Variants in KANSL1L observed in about 807,000 individuals in gnomAD.
KANSL1L encodes KAT8 regulatory NSL complex subunit 1-like protein.
In KANSL1L, 25 loss-of-function variants were observed where a neutral mutation model predicts 108.6. The observed-to-expected ratio is 0.23, with a 90% confidence interval of 0.17 to 0.32. The LOEUF (loss-of-function observed/expected upper bound fraction) is 0.32, where lower values mean the gene tolerates loss of function less well. Among genes scored for constraint, KANSL1L ranks in the 10% least tolerant of loss-of-function variants. KANSL1L has a pLI of 1.00. For missense variants in KANSL1L, 1,137 were observed against 1,125.7 expected (o/e 1.01, Z -0.14); for synonymous variants, 405 against 395.1 (o/e 1.03, Z -0.30).
intron 2 of KANSL1L, among the ~76,000 whole-genome samples, chr2:210,144,682 C>T (rs1019321396): frequency 5.3e-5 from 8 of 152,282 alleles, no homozygotes; most frequent in African/African-American, 1.9e-4. Context: ...TTCAATCATT[C>T]TGTTAAACTC....
intron 3 of KANSL1L, among the ~76,000 whole-genome samples, chr2:210,111,451 AAC>A (rs1324361270): frequency 4.6e-5 from 7 of 152,324 alleles, no homozygotes; most frequent in Non-Finnish European, 5.9e-5. Flanking sequence ...AGCAATAGAA[AAC>A]AGATTAGTGG....
chr2:210,099,975 T>C (rs560560577), intron 4 of KANSL1L, among the ~76,000 whole-genome samples: 1 of 152,286 alleles, frequency 6.6e-6, no homozygotes, highest in South Asian at 2.1e-4. Context: ...ATAATGTAAA[T>C]ACACCAGTAG....
chr2:210,027,051 A>G (rs1028367749), intron 12 of KANSL1L, among the ~76,000 whole-genome samples: 1 of 152,140 alleles, frequency 6.6e-6, no homozygotes. Context: ...GATTACAGGC[A>G]TTAGCCACCG....
At chr2:210,149,480 T>C (rs1377849194) in intron 2 of KANSL1L, among the ~76,000 whole-genome samples, 1 of 152,162 alleles carries the variant, frequency 6.6e-6, no homozygotes, top group Non-Finnish European at 1.5e-5. Flanking sequence ...AATGCATCTG[T>C]TTATTTGGTA....
chr2:210,066,844 G>C (rs190744982), intron 6 of KANSL1L, among the ~76,000 whole-genome samples: 3 of 152,318 alleles, frequency 2.0e-5, no homozygotes, highest in East Asian at 3.9e-4. Flanking sequence ...TATGAGCCCT[G>C]TGATGGTTAA....
chr2:210,151,892 T>C (rs184581297), intron 2 of KANSL1L: 4 of 152,370 alleles, frequency 2.6e-5, no homozygotes, highest in African/African-American at 9.6e-5. Flanking sequence ...AAAACTAATA[T>C]ACTGATCTTC....
At chr2:210,129,952 G>A (rs1400938728) in intron 2 of KANSL1L, among the ~76,000 whole-genome samples, 1 of 145,340 alleles carries the variant, frequency 6.9e-6, no homozygotes, top group Non-Finnish European at 1.5e-5. Flanking sequence ...ATTACGGGTG[G>A]TATATGTGTG....
chr2:210,112,983 T>C (rs2094923025), intron 3 of KANSL1L, among the ~76,000 whole-genome samples: 1 of 152,224 alleles, frequency 6.6e-6, no homozygotes, highest in Non-Finnish European at 1.5e-5. Context: ...CAGCCATTCA[T>C]ACATTTCTGA....
chr2:210,123,187 T>G (rs1040567395), intron 3 of KANSL1L, among the ~76,000 whole-genome samples: 1 of 152,150 alleles, frequency 6.6e-6, no homozygotes, highest in Non-Finnish European at 1.5e-5. Flanking sequence ...CCTAGGCATA[T>G]ACCCAAAGAA....
At position 210,050,693 on chromosome 2, in the gene KANSL1L, G is replaced by GGA. The variant is rs1406036409; in HGVS notation, c.1756-6590_1756-6589insTC. ...GCAACATAGTGAGACCATCTCTACAGAAAAAAAAAAAAAAAAAAAAAATTA... is the reference window on the plus strand; with the variant it reads ...GCAACATAGTGAGACCATCTCTACAGGAAAAAAAAAAAAAAAAAAAAAAATTA... On this transcript the variant is annotated intron_variant, in intron 6 of 14. Transcript: ENST00000281772. 1.5e-4 allele frequency among the ~76,000 whole-genome samples: 8 copies of GGA among 53,454 alleles called. No homozygotes were observed. The South Asian group carries it at 4.9e-3, about 33-fold the overall frequency. The allele number at this position is 53,454 out of a possible 152,430, so 35.1% of individuals were successfully genotyped here.
In KANSL1L at chr2:210,071,236, C is replaced by T. The variant is rs114444338; in HGVS notation, c.1755+4316G>A. Among the ~76,000 whole-genome samples, 338 of 152,034 alleles carry T rather than the reference C, an allele frequency of 2.2e-3. 4 individuals carry two copies. The highest frequency in any genetic ancestry group is 7.7e-3 in the African/African-American group (321 of 41,458). On this transcript the variant is annotated intron_variant, in intron 6 of 14. Transcript: ENST00000281772. Reference sequence around the variant, plus strand: ...TGGCATTCATCCTGTATGCATGCATCTGTGTCTAAATTCCCCCTTTTCATT... The same window carrying T: ...TGGCATTCATCCTGTATGCATGCATTTGTGTCTAAATTCCCCCTTTTCATT...
At chr2:210,146,149 C>A (rs1453437058) in intron 2 of KANSL1L, among the ~76,000 whole-genome samples, 2 of 152,074 alleles carry the variant, frequency 1.3e-5, no homozygotes, top group African/African-American at 4.8e-5. Context: ...AGCCCCCACC[C>A]TTCTTTGTTT....
chr2:210,128,928 C>G, intron 3 of KANSL1L, 103 bp downstream of exon 3: 1 of 972,808 alleles, frequency 1.0e-6, no homozygotes, highest in Admixed American at 2.9e-5. Flanking sequence ...AAACTGGCTA[C>G]ATTTTTATAA....
rs1406630789 is a variant in KANSL1L at position 210,089,593 on chromosome 2, CA to C, written c.1550+8492del. ...CCAAGTCACAAAATGTCTAAGTAAA[CA>C]AAATATATAAAAGTTGTGTATTCTC... On this transcript the variant is annotated intron_variant, in intron 5 of 14. Coordinates refer to ENST00000281772, the MANE Select transcript of KANSL1L (RefSeq NM_152519.4). Among the ~76,000 whole-genome samples, 4 of 151,378 alleles carry C rather than the reference CA, an allele frequency of 2.6e-5. No homozygotes were observed. In the South Asian group the frequency reaches 6.3e-4, roughly 24 times the overall value.
intron 2 of KANSL1L, among the ~76,000 whole-genome samples, chr2:210,136,045 C>A (rs1322066752): frequency 6.6e-6 from 1 of 151,926 alleles, no homozygotes. Context: ...TGAAGATAAA[C>A]CACATTAAAA....
At position 210,063,360 on chromosome 2, in the gene KANSL1L, C is replaced by A. The variant is rs1173790383; in HGVS notation, c.1755+12192G>T. ...GCAGAAGGGAAATGTGGGGTCAGAG[C>A]CCCCACAAACAGCCCCTACTGGGGC... On this transcript the variant is annotated intron_variant, in intron 6 of 14. Coordinates refer to ENST00000281772, the MANE Select transcript of KANSL1L (RefSeq NM_152519.4). Among the ~76,000 whole-genome samples, 4 of 152,340 alleles carry A rather than the reference C, an allele frequency of 2.6e-5. No individual in the cohort carries two copies. The East Asian group carries it at 7.7e-4, about 29-fold the overall frequency.
intron 1 of KANSL1L, among the ~76,000 whole-genome samples, chr2:210,164,896 C>G (rs1432348110): frequency 7.1e-6 from 1 of 141,608 alleles, no homozygotes; most frequent in Admixed American, 7.3e-5. Context: ...GATGGAGTCT[C>G]GCCCCGCCAC....
intron 2 of KANSL1L, 67 bp downstream of exon 2, chr2:210,153,428 C>T: frequency 2.5e-6 from 3 of 1,224,062 alleles, no homozygotes; most frequent in African/African-American, 3.1e-5. Context: ...GTCAACATAC[C>T]TGGAAACTAA....
intron 8 of KANSL1L, among the ~76,000 whole-genome samples, chr2:210,038,367 A>G (rs1308183749): frequency 6.6e-6 from 1 of 152,050 alleles, no homozygotes; most frequent in Non-Finnish European, 1.5e-5. Context: ...ACGCCTTGTA[A>G]TGCATTTTGC....
Sources: allele counts gnomAD v4.1 joint callset (sites outside exome capture counted in the v4.1 genomes callset), GRCh38; gene constraint gnomAD v4.1.1; transcripts MANE v1.5; gene names NCBI Gene and HGNC (gene_info 2026-07-23, HGNC 2026-07-21).